IGFN1: variants seen among roughly 807,000 people sequenced by gnomAD.
IGFN1 encodes the protein immunoglobulin like and fibronectin type III domain containing 1.
In IGFN1, 253 loss-of-function variants were observed where a neutral mutation model predicts 289.5. The observed-to-expected ratio is 0.87, with a 90% CI of 0.79 to 0.97. IGFN1 has a LOEUF of 0.97. IGFN1 is among the 50% of genes least tolerant of loss of function. The probability of loss-of-function intolerance (pLI) is 0.00; values close to 1 mark genes in which losing one functional copy is unlikely to be tolerated. For missense variants in IGFN1, 4,470 were observed against 4,686.1 expected, an observed-to-expected ratio of 0.95 and a Z score of 1.35; for synonymous variants, 1,706 against 1,788.5, an observed-to-expected ratio of 0.95 and a Z score of 1.16.
Position 201,215,766 on chromosome 1 carries a change from T to A in IGFN1, c.9223T>A (p.Cys3075Ser), listed in dbSNP as rs2102355738. Residue 3075 changes from cysteine (C) to serine (S), a missense_variant, in exon 15 of 24, where the codon TGT becomes AGT. By Grantham distance (112) the Cys-to-Ser change is moderately radical (BLOSUM62 -1). This residue lies in a region of IGFN1 where 2,218 missense variants were observed against 2,114.1 expected (regional missense o/e 1.05). Coordinates refer to ENST00000335211, the MANE Select transcript of IGFN1 (RefSeq NM_001164586.2). ...CCTCCCCAGCGCAGGCAGGAAGGAC[T>A]GTGGCCAGTACAGCGTGACACTGAG... Reference protein sequence around the residue: ...LCLPSAGRKDCGQYSVTLRSE... With the variant: ...LCLPSAGRKDSGQYSVTLRSE... 2 of 1,606,824 alleles carry A rather than the reference T, an allele frequency of 1.2e-6. No homozygotes were observed. Among genetic ancestry groups the A allele is most frequent in the African/African-American group, 1.3e-5 (1 of 74,974 alleles).
At position 201,206,592 on chromosome 1, in the gene IGFN1, C is replaced by A. The variant is rs1667433429; in HGVS notation, c.1699C>A (p.Gln567Lys). 1 of 1,547,288 alleles carries A rather than the reference C, an allele frequency of 6.5e-7. No homozygotes were observed. Among genetic ancestry groups the A allele is most frequent in the African/African-American group, 1.4e-5 (1 of 73,016 alleles). Residue 567 changes from glutamine to lysine, a missense_variant, in exon 12 of 24, where the codon CAG (glutamine) becomes AAG (lysine). Physicochemically the swap from Gln to Lys is moderately conservative, Grantham distance 53. Coordinates refer to ENST00000335211, the MANE Select transcript of IGFN1 (RefSeq NM_001164586.2). ...CTGGGAGGCTGGGTCCAGTCGGCTTCAGGCTGGAGGACTGGGGAGCAGCAG... is the reference window on the plus strand; with the variant it reads ...CTGGGAGGCTGGGTCCAGTCGGCTTAAGGCTGGAGGACTGGGGAGCAGCAG... Reference protein sequence around the residue: ...GGWEAGSSRLQAGGLGSSREG... With the variant: ...GGWEAGSSRLKAGGLGSSREG...
In IGFN1 at chr1:201,211,817, G is replaced by T. The variant is rs1382036856; in HGVS notation, c.6924G>T (p.Leu2308Phe). The T allele has an allele frequency of 6.5e-7, 1 of 1,536,534 alleles. No homozygotes were observed. Among genetic ancestry groups the T allele is most frequent in the Non-Finnish European group, 8.7e-7 (1 of 1,146,690 alleles). ...LGSEAGSRGS[L>F]EDSGYILSWN... ...GCGAGGCAGGTTCTAGGGGTAGTTT[G>T]GAGGATTCTGGGTACATTTTGTCAT... The change falls in exon 12 of 24, where the codon TTG becomes TTT. Residue 2308 changes from leucine to phenylalanine, a missense_variant. By Grantham distance (22) the Leu-to-Phe change is conservative (BLOSUM62 0). Transcript: ENST00000335211.
rs1667809670 is a variant in IGFN1, at chr1:201,211,659, G to A, written c.6766G>A (p.Ala2256Thr). Residue 2256 changes from alanine (A) to threonine (T), a missense_variant, in exon 12 of 24, where the codon GCT (alanine) becomes ACT (threonine). This residue lies in a region of IGFN1 where 2,218 missense variants were observed against 2,114.1 expected (regional missense o/e 1.05). Coordinates refer to ENST00000335211, the MANE Select transcript of IGFN1 (RefSeq NM_001164586.2). ...GGCAGATTATAGGAAGGATTTGGGA[G>A]CTCCTGAGGAAATGGGTTCAGGCAG... ...DEADYRKDLG[A>T]PEEMGSGSYT... The A allele has an allele frequency of 1.3e-6, 2 of 1,536,918 alleles. No individual in the cohort carries two copies. Among genetic ancestry groups the A allele is most frequent in the Non-Finnish European group, 1.7e-6 (2 of 1,146,834 alleles).
Position 201,228,677 on chromosome 1 carries a change from C to T in IGFN1, c.*278C>T, listed in dbSNP as rs987901300. On this transcript the variant is annotated 3_prime_UTR_variant, in exon 24 of 24. Coordinates refer to ENST00000335211, the MANE Select transcript of IGFN1 (RefSeq NM_001164586.2). ...TCACCATATGGGTTTCTTTCTTCTTCGCTTCAGGAGATCCAGAGGGCACCT... is the reference window on the plus strand; with the variant it reads ...TCACCATATGGGTTTCTTTCTTCTTTGCTTCAGGAGATCCAGAGGGCACCT... 1.2e-5 allele frequency: 6 copies of T among 514,252 alleles called. No homozygotes were observed. Among genetic ancestry groups the T allele is most frequent in the Middle Eastern group, 5.2e-4 (1 of 1,934 alleles). 31.9% of individuals were successfully genotyped at this position (514,252 alleles called of 1,614,324 possible).
rs777360868 is a variant in IGFN1 at position 201,203,441 on chromosome 1, A to T, written c.748-297A>T. On this transcript the variant is annotated intron_variant, in intron 9 of 23. Coordinates refer to ENST00000335211, the MANE Select transcript of IGFN1 (RefSeq NM_001164586.2). ...CGCAGGGCTGCTGGAGAGTAACTCTACTCACAGCCTGAGCTGGAATGTCAG... is the reference window on the plus strand; with the variant it reads ...CGCAGGGCTGCTGGAGAGTAACTCTTCTCACAGCCTGAGCTGGAATGTCAG... Among the ~76,000 whole-genome samples, 67 of 152,258 alleles carry T rather than the reference A, an allele frequency of 4.4e-4. 1 individual carries two copies. The highest frequency in any genetic ancestry group is 3.3e-4 in the Admixed American group (5 of 15,288).
intron 1 of IGFN1, among the ~76,000 whole-genome samples, chr1:201,191,939 G>A (rs927685132): frequency 6.0e-5 from 9 of 150,518 alleles, no homozygotes; most frequent in Middle Eastern, 3.4e-3. Context: ...GGGGGTCACC[G>A]ACTGGCACCA....
chr1:201,228,395 C>G lies in IGFN1; in HGVS notation c.11123C>G (p.Thr3708Ser), dbSNP rs546858072. Residue 3708 changes from threonine (T) to serine (S), a missense_variant, in exon 24 of 24, where the codon ACC becomes AGC. Thr to Ser is a moderately conservative substitution (Grantham distance 58, BLOSUM62 1). This residue lies in a region of IGFN1 where 2,218 missense variants were observed against 2,114.1 expected (regional missense o/e 1.05). Transcript: ENST00000335211. ...ATCCTGTGTCTTGCAGAACCCAGCACCTAGCCTCACCTCACCCTGGGATGG... is the reference window on the plus strand; with the variant it reads ...ATCCTGTGTCTTGCAGAACCCAGCAGCTAGCCTCACCTCACCCTGGGATGG... ...TATLIVIEPS[T>S] 1.9e-6 allele frequency: 3 copies of G among 1,614,060 alleles called. No individual in the cohort carries two copies. In the East Asian group the frequency reaches 6.7e-5, roughly 36 times the overall value.
chr1:201,209,544 G>A lies in IGFN1; in HGVS notation c.4651G>A (p.Gly1551Ser), dbSNP rs1667610630. 2.0e-6 allele frequency: 3 copies of A among 1,525,934 alleles called. No individual in the cohort carries two copies. The highest frequency in any genetic ancestry group is 1.2e-5 in the South Asian group (1 of 83,622). The allele number at this position is 1,525,934 out of a possible 1,614,324, so 94.5% of individuals were successfully genotyped here. The change falls in exon 12 of 24, where the codon GGT becomes AGT. Residue 1551 changes from glycine to serine, a missense_variant. Physicochemically the swap from Gly to Ser is moderately conservative, Grantham distance 56. Transcript: ENST00000335211. ...GSGSKAGFTD[G>S]LGGSEEMGSV... ...AGGGAGTAAGGCAGGTTTTACGGAT[G>A]GTTTAGGAGGTTCTGAAGAAATGGG...
intron 23 of IGFN1, 30 bp from the exon 24 acceptor site, chr1:201,228,356 G>A: frequency 6.2e-7 from 1 of 1,613,416 alleles, no homozygotes. Context: ...CTGCCCCTCT[G>A]AACCAACTGG....
chr1:201,205,231 G>A lies in IGFN1; in HGVS notation c.1066G>A (p.Val356Met), dbSNP rs1354335346. Reference sequence around the variant, plus strand: ...ACTCCACCCCAGTGACAAATATGAAGTGTATGTGTCCCCTGACGGGCTGAC... The same window carrying A: ...ACTCCACCCCAGTGACAAATATGAAATGTATGTGTCCCCTGACGGGCTGAC... ...RLLHPSDKYE[V>M]YVSPDGLTHR... Residue 356 changes from valine (V) to methionine (M), a missense_variant, in exon 11 of 24, where the codon GTG becomes ATG. Around this residue, in one of 8 missense-constraint regions of IGFN1, gnomAD observed 2,011 missense variants for 1,953.4 expected, o/e 1.03. Transcript: ENST00000335211. 2 of 1,551,086 alleles carry A rather than the reference G, an allele frequency of 1.3e-6. No homozygotes were observed. The highest frequency in any genetic ancestry group is 4.9e-5 in the East Asian group (2 of 40,916).
rs181200783 is a variant in IGFN1 at position 201,206,177 on chromosome 1, C to T, written c.1284C>T (p.Ile428=). 13 of 1,550,464 alleles carry T rather than the reference C, an allele frequency of 8.4e-6. No homozygotes were observed. The highest frequency in any genetic ancestry group is 4.9e-5 in the East Asian group (2 of 40,924). ...QASGAEESGS[I]ESQGEKSREQ... is the part of the protein sequence containing the mutation. ...CAGGAGCAGAAGAGTCTGGGAGCAT[C>T]GAGAGCCAGGGAGAGAAATCCAGAG... Residue 428 remains isoleucine, a synonymous_variant, in exon 12 of 24, where the codon ATC becomes ATT. Transcript: ENST00000335211.
In IGFN1 at chr1:201,215,689, G is replaced by T. The variant is rs1653194431; in HGVS notation, c.9146G>T (p.Ser3049Ile). 1 of 1,613,868 alleles carries T rather than the reference G, an allele frequency of 6.2e-7. No homozygotes were observed. Among genetic ancestry groups the T allele is most frequent in the African/African-American group, 1.3e-5 (1 of 75,056 alleles). The change falls in exon 15 of 24, where the codon AGC becomes ATC. Residue 3049 changes from serine (S) to isoleucine (I), a missense_variant. By Grantham distance (142) the Ser-to-Ile change is moderately radical. This residue lies in a region of IGFN1 where 2,218 missense variants were observed against 2,114.1 expected (regional missense o/e 1.05). Transcript: ENST00000335211. ...AAGGACGGGGCTGAGGTGGTGGGCA[G>T]CAGTGACAGGGAGGCCCAGGTGGAC... ...WRKDGAEVVG[S>I]SDREAQVDLG...
In IGFN1 at chr1:201,212,716, G is replaced by A. The variant is rs1157787924; in HGVS notation, c.7823G>A (p.Arg2608Lys). The A allele has an allele frequency of 2.6e-6, 4 of 1,550,720 alleles. No homozygotes were observed. The African/African-American group carries it at 5.5e-5, about 21-fold the overall frequency. ...DLDSGSMPGGRGKSTSGPADR... is the reference protein window; with the variant it reads ...DLDSGSMPGGKGKSTSGPADR... ...GACAGCGGCTCTATGCCTGGGGGAA[G>A]GGGCAAGTCAACATCAGGGCCTGCT... The change falls in exon 12 of 24, where the codon AGG (arginine) becomes AAG (lysine). Residue 2608 changes from arginine (R) to lysine (K), a missense_variant. By Grantham distance (26) the Arg-to-Lys change is conservative. Coordinates refer to ENST00000335211, the MANE Select transcript of IGFN1 (RefSeq NM_001164586.2).
rs142777301 is a variant in IGFN1, at chr1:201,225,885, C to A, written c.10548C>A (p.Ala3516=). The change falls in exon 22 of 24, where the codon GCC becomes GCA. Residue 3516 remains alanine (A), a synonymous_variant. Coordinates refer to ENST00000335211, the MANE Select transcript of IGFN1 (RefSeq NM_001164586.2). ...LQENVPGTVT[A]EWEPSPDEAQ... ...AGAACGTGCCTGGGACGGTGACGGC[C>A]GAGTGGGAACCCTCTCCTGACGAGG... The A allele has an allele frequency of 1.9e-6, 3 of 1,612,896 alleles. No individual in the cohort carries two copies. The highest frequency in any genetic ancestry group is 2.5e-6 in the Non-Finnish European group (3 of 1,179,638).
intron 4 of IGFN1, 87 bp from the exon 5 acceptor site, chr1:201,197,131 C>A: frequency 1.3e-6 from 1 of 794,506 alleles, no homozygotes; most frequent in Non-Finnish European, 2.1e-6. Context: ...GTCTTACTCA[C>A]TTTATACCCC....
chr1:201,210,785 G>T lies in IGFN1; in HGVS notation c.5892G>T (p.Lys1964Asn). The change falls in exon 12 of 24, where the codon AAG becomes AAT. Residue 1964 changes from lysine (K) to asparagine (N), a missense_variant. Physicochemically the swap from Lys to Asn is moderately conservative, Grantham distance 94 (BLOSUM62 0). Coordinates refer to ENST00000335211, the MANE Select transcript of IGFN1 (RefSeq NM_001164586.2). ...MGSVNKAGYR[K>N]DLGAPKGMGS... The stretch of plus-strand genomic sequence containing the variant: ...CAGTGAATAAGGCAGGTTATAGGAA[G>T]GATTTGGGGGCTCCTAAGGGAATGG... 3 of 1,530,580 alleles carry T rather than the reference G, an allele frequency of 2.0e-6. No homozygotes were observed. The African/African-American group carries it at 4.2e-5, about 21-fold the overall frequency. The allele number at this position is 1,530,580 out of a possible 1,614,324, so 94.8% of individuals were successfully genotyped here. A position where few individuals can be genotyped will look rare whatever the true frequency, so the allele number is the denominator to read the frequency against.
chr1:201,219,965 CTCTT>C (rs984641374), intron 18 of IGFN1, among the ~76,000 whole-genome samples: 5 of 143,048 alleles, frequency 3.5e-5, no homozygotes, highest in Non-Finnish European at 6.2e-5. Context: ...CTCTCCTTCT[CTCTT>C]TCTTTCTTTT....
rs1404071172 is a variant in IGFN1, at chr1:201,206,442, A to G, written c.1549A>G (p.Ser517Gly). The G allele has an allele frequency of 2.6e-6, 4 of 1,551,114 alleles. No homozygotes were observed. The highest frequency in any genetic ancestry group is 3.5e-6 in the Non-Finnish European group (4 of 1,146,972). The change falls in exon 12 of 24, where the codon AGC becomes GGC. Residue 517 changes from serine (S) to glycine (G), a missense_variant. This residue lies in a region of IGFN1 where 2,011 missense variants were observed against 1,953.4 expected (regional missense o/e 1.03). Coordinates refer to ENST00000335211, the MANE Select transcript of IGFN1 (RefSeq NM_001164586.2). ...CCACAGAGAGGGAGGCTGGGCCAGA[A>G]GCCTTGCAGAGAGGCCCCATCTACA... ...QSHREGGWARSLAERPHLQGE... is the reference protein window; with the variant it reads ...QSHREGGWARGLAERPHLQGE...
chr1:201,224,299 C>T (rs1364704706), intron 20 of IGFN1, among the ~76,000 whole-genome samples: 1 of 152,192 alleles, frequency 6.6e-6, no homozygotes, highest in African/African-American at 2.4e-5. Context: ...ATTCCCATCC[C>T]ACCCCCTGCC....
Sources: gnomAD v4.1 joint callset for allele counts (sites outside exome capture counted in the v4.1 genomes callset) on GRCh38, gnomAD v4.1.1 for gene constraint, gnomAD v4.1.1 regional missense constraint, MANE v1.5 for transcripts, NCBI Gene and HGNC (gene_info 2026-07-23, HGNC 2026-07-21) for gene names.